Variants in DCHS2 observed in about 807,000 individuals in gnomAD.
DCHS2 encodes protocadherin-23.
A neutral mutation model predicts 182.4 loss-of-function variants in DCHS2; 142 were observed. The ratio of observed to expected loss-of-function variants is 0.78; its 90% CI spans 0.68 to 0.89. The LOEUF (loss-of-function observed/expected upper bound fraction) is 0.89. Ranked by LOEUF, DCHS2 falls within the 40% of genes least tolerant of loss-of-function variation. DCHS2 has a pLI of 0.00. For synonymous variants in DCHS2, 1,740 were observed against 1,663.3 expected, an observed-to-expected ratio of 1.05 and a Z score of -1.12; for missense variants, 4,319 against 4,198.6, an observed-to-expected ratio of 1.03 and a Z score of -0.79.
At chr4:154,374,043 C>T (rs1730776406) in intron 2 of DCHS2, 3 of 1,152,834 alleles carry the variant, frequency 2.6e-6, no homozygotes, top group Non-Finnish European at 3.7e-6. Context: ...ATATAACCAC[C>T]TCTATATCTA....
intron 1 of DCHS2, among the ~76,000 whole-genome samples, chr4:154,405,751 T>C (rs1443241161): frequency 6.6e-6 from 1 of 152,208 alleles, no homozygotes; most frequent in Non-Finnish European, 1.5e-5. Context: ...TTAGCAGCTG[T>C]TTAAAAGTCC....
chr4:154,283,607 A>T (rs968290248), intron 13 of DCHS2, among the ~76,000 whole-genome samples: 1 of 145,164 alleles, frequency 6.9e-6, no homozygotes, highest in Admixed American at 6.7e-5. Context: ...AAATTGTTGC[A>T]CTTAATTATT....
intron 2 of DCHS2, chr4:154,373,895 A>T: frequency 6.3e-7 from 1 of 1,586,106 alleles, no homozygotes; most frequent in Non-Finnish European, 8.6e-7. Flanking sequence ...AAAGACTCAG[A>T]TTATAGAAAC....
Position 154,298,519 on chromosome 4 carries a change from G to T in DCHS2, c.5795C>A (p.Ser1932Tyr). Residue 1932 changes from serine to tyrosine, a missense_variant, in exon 13 of 20, where the codon TCT becomes TAT. Transcript: ENST00000357232. ...RVLDANDHSP[S>Y]FPTLYYQSSV... ...GGACTGGTAATAAAGTGTGGGAAAA[G>T]AAGGACTGTGGTCATTGGCATCCAA... is the stretch of plus-strand genomic sequence containing the variant. 6.2e-7 allele frequency: 1 copy of T among 1,614,142 alleles called. No individual in the cohort carries two copies. The highest frequency in any genetic ancestry group is 1.3e-5 in the African/African-American group (1 of 75,062).
rs973562049 is a variant in DCHS2 at position 154,329,661 on chromosome 4, A to G, written c.3780T>C (p.His1260=). The change falls in exon 6 of 20, where the codon CAT becomes CAC. Residue 1260 remains histidine, a synonymous_variant. Transcript: ENST00000357232. The stretch of plus-strand genomic sequence containing the variant: ...GGTCTGTCACTAGCACAGTCATCTC[A>G]TGGTGCCCCCGGTGCTCACGATCCA... ...VALDREHRGH[H]EMTVLVTDRG... is the part of the protein sequence containing the mutation. The G allele has an allele frequency of 4.3e-6, 7 of 1,611,842 alleles. No individual in the cohort carries two copies. The highest frequency in any genetic ancestry group is 5.9e-6 in the Non-Finnish European group (7 of 1,179,504).
intron 1 of DCHS2, among the ~76,000 whole-genome samples, chr4:154,404,222 A>T (rs1460697663): frequency 1.3e-5 from 2 of 152,162 alleles, no homozygotes; most frequent in Non-Finnish European, 2.9e-5. Context: ...TTTTATTACC[A>T]TTCAATTCAA....
intron 3 of DCHS2, among the ~76,000 whole-genome samples, chr4:154,339,212 G>A (rs1320185551): frequency 1.3e-5 from 2 of 152,160 alleles, no homozygotes; most frequent in Non-Finnish European, 2.9e-5. Context: ...TGATGTCTCA[G>A]CTCAAGCTGT....
intron 7 of DCHS2, 131 bp downstream of exon 7, chr4:154,327,962 G>T: frequency 2.0e-6 from 1 of 492,468 alleles, no homozygotes; most frequent in Non-Finnish European, 3.4e-6. Flanking sequence ...TTTGTAACTT[G>T]GTGCTTTTTC....
At position 154,235,121 on chromosome 4, in the gene DCHS2, A is replaced by G. The variant is rs750896876; in HGVS notation, c.9531T>C (p.Cys3177=). The change falls in exon 20 of 20, where the codon TGT becomes TGC. Residue 3177 remains cysteine, a synonymous_variant. Coordinates refer to ENST00000357232, the MANE Select transcript of DCHS2 (RefSeq NM_001358235.2). The stretch of plus-strand genomic sequence containing the variant: ...TCTGGGGTAACACATTATTTTGAGC[A>G]CAGGTGGTGCTGCAGCCTTCCCCTT... ...GDQGEGCSTT[C]AQNNVLPQTV... 1.9e-6 allele frequency: 3 copies of G among 1,613,810 alleles called. No homozygotes were observed. In the African/African-American group the frequency reaches 4.0e-5, roughly 22 times the overall value.
chr4:154,443,355 A>G (rs1734117186), intron 1 of DCHS2, among the ~76,000 whole-genome samples: 1 of 152,230 alleles, frequency 6.6e-6, no homozygotes, highest in African/African-American at 2.4e-5. Flanking sequence ...GGCTGTGGTA[A>G]AATAAATTTC....
At chr4:154,475,999 G>T (rs1735665354) in intron 1 of DCHS2, among the ~76,000 whole-genome samples, 1 of 152,074 alleles carries the variant, frequency 6.6e-6, no homozygotes, top group African/African-American at 2.4e-5. Flanking sequence ...CTGCTTAAAA[G>T]GATTGGGAAA....
intron 1 of DCHS2, among the ~76,000 whole-genome samples, chr4:154,427,850 T>G (rs1242725719): frequency 6.6e-6 from 1 of 152,090 alleles, no homozygotes; most frequent in African/African-American, 2.4e-5. Context: ...AAACGGAAAA[T>G]ATAAAACTTT....
In DCHS2 at chr4:154,235,331, G is replaced by A. The variant is rs760003334; in HGVS notation, c.9321C>T (p.Ile3107=). Residue 3107 remains isoleucine, a synonymous_variant, in exon 20 of 20, where the codon ATC becomes ATT. Coordinates refer to ENST00000357232, the MANE Select transcript of DCHS2 (RefSeq NM_001358235.2). The part of the protein sequence containing the change: ...VEGETAEDKE[I]QRINEHPYRK... ...TGTAGGGATGCTCATTTATCCTCTG[G>A]ATTTCCTTATCTTCTGCAGTTTCTC... The A allele has an allele frequency of 3.7e-6, 6 of 1,613,908 alleles. No homozygotes were observed. In the African/African-American group the frequency reaches 8.0e-5, roughly 22 times the overall value.
intron 1 of DCHS2, among the ~76,000 whole-genome samples, chr4:154,465,690 C>A (rs1279218015): frequency 2.0e-5 from 3 of 151,684 alleles, no homozygotes; most frequent in Non-Finnish European, 2.9e-5. Flanking sequence ...AAGTGACATA[C>A]CATTACTTCT....
intron 3 of DCHS2, among the ~76,000 whole-genome samples, chr4:154,358,721 T>C (rs1356988275): frequency 2.0e-5 from 3 of 152,092 alleles, no homozygotes; most frequent in African/African-American, 7.2e-5. Flanking sequence ...CATTTATATA[T>C]AAACAGGAGC....
chr4:154,339,700 G>A (rs1424430023), intron 3 of DCHS2, among the ~76,000 whole-genome samples: 1 of 152,130 alleles, frequency 6.6e-6, no homozygotes, highest in Non-Finnish European at 1.5e-5. Flanking sequence ...GCCCATCTCG[G>A]CCTCCCAGAG....
chr4:154,391,278 G>A (rs560796306), intron 1 of DCHS2: 50 of 1,601,696 alleles, frequency 3.1e-5, no homozygotes, highest in South Asian at 6.7e-5. Context: ...CTCTGATTTC[G>A]TTATCTCATC....
chr4:154,451,264 A>C (rs1218998999), intron 1 of DCHS2, among the ~76,000 whole-genome samples: 1 of 152,154 alleles, frequency 6.6e-6, no homozygotes, highest in East Asian at 1.9e-4. Context: ...TTTTAGAGCA[A>C]AGCCCTGCCA....
Position 154,305,134 on chromosome 4 carries a change from T to C in DCHS2, c.5358A>G (p.Ile1786Met). 1 of 1,612,724 alleles carries C rather than the reference T, an allele frequency of 6.2e-7. No homozygotes were observed. Among genetic ancestry groups the C allele is most frequent in the Non-Finnish European group, 8.5e-7 (1 of 1,179,488 alleles). Residue 1786 changes from isoleucine (I) to methionine (M), a missense_variant, in exon 11 of 20, where the codon ATA becomes ATG. Coordinates refer to ENST00000357232, the MANE Select transcript of DCHS2 (RefSeq NM_001358235.2). ...SDTGEVVTTTILDREIQEVFT... is the reference protein window; with the variant it reads ...SDTGEVVTTTMLDREIQEVFT... ...AGACTTCTTGAATTTCTCTGTCAAG[T>C]ATGGTGGTTGTCACTACCTCTCCAG...
Sources: gnomAD v4.1 joint callset for allele counts (sites outside exome capture counted in the v4.1 genomes callset) on GRCh38, gnomAD v4.1.1 for gene constraint, MANE v1.5 for transcripts, NCBI Gene and HGNC (gene_info 2026-07-23, HGNC 2026-07-21) for gene names.